Variants in PRPF8 observed in about 807,000 individuals in gnomAD.
PRPF8 encodes the protein pre-mRNA processing factor 8, also known as pre-mRNA-processing-splicing factor 8.
In PRPF8, 64 loss-of-function variants were observed where a neutral mutation model predicts 285.9. That is an observed-to-expected ratio of 0.22 (90% CI 0.18 to 0.28). The LOEUF (loss-of-function observed/expected upper bound fraction) is 0.28, where lower values mean the gene tolerates loss of function less well. Among genes scored for constraint, PRPF8 ranks in the 10% least tolerant of loss-of-function variants. The pLI is 1.00. For synonymous variants in PRPF8, 1,325 were observed against 1,118.2 expected (o/e 1.18, Z -3.69); for missense variants, 1,426 against 3,026.7 (o/e 0.47, Z 12.41).
Position 1,676,269 on chromosome 17 carries a change from G to C in PRPF8, c.2490C>G (p.Leu830=). The change falls in exon 17 of 43, where the codon CTC becomes CTG. Residue 830 remains leucine (L), a synonymous_variant. Transcript: ENST00000304992. This position sits in a 1 kb window ranked among gnomAD's most constrained non-coding sequence, Gnocchi z 6.3. ...GCAACTTGGTGTCATGCTTATAGGAGAGTGGGGGGAATGGGATGGGTGAAA... is the reference window on the plus strand; with the variant it reads ...GCAACTTGGTGTCATGCTTATAGGACAGTGGGGGGAATGGGATGGGTGAAA... ...RRFSPIPFPP[L]SYKHDTKLLI... The C allele has an allele frequency of 6.2e-7, 1 of 1,614,094 alleles. No homozygotes were observed. Among genetic ancestry groups the C allele is most frequent in the Non-Finnish European group, 8.5e-7 (1 of 1,180,036 alleles).
Position 1,659,206 on chromosome 17 carries a change from G to C in PRPF8, c.5138+151C>G. 1.2e-6 allele frequency: 1 copy of C among 858,294 alleles called. No homozygotes were observed. Among genetic ancestry groups the C allele is most frequent in the Non-Finnish European group, 1.9e-6 (1 of 531,106 alleles). 53.2% of individuals were successfully genotyped at this position (858,294 alleles called of 1,614,324 possible). ...ACGCCCAGCTAATTTTTTGTATTTTGGTAGAGACAGGGTTTCACCATGTTG... is the reference window on the plus strand; with the variant it reads ...ACGCCCAGCTAATTTTTTGTATTTTCGTAGAGACAGGGTTTCACCATGTTG... On this transcript the variant is annotated intron_variant, in intron 32 of 42. Transcript: ENST00000304992. The surrounding 1 kb of genome is among the most constrained non-coding windows in gnomAD (Gnocchi z 5.1).
chr17:1,665,468 G>T (rs545667518), intron 24 of PRPF8, among the ~76,000 whole-genome samples: 1 of 152,036 alleles, frequency 6.6e-6, no homozygotes, highest in South Asian at 2.1e-4. Context: ...AACCCAGGAG[G>T]CGGAAGTTGC....
intron 24 of PRPF8, among the ~76,000 whole-genome samples, chr17:1,672,222 A>T (rs1597242131): frequency 6.6e-6 from 1 of 152,224 alleles, no homozygotes; most frequent in African/African-American, 2.4e-5. Flanking sequence ...TCGGAATGCA[A>T]GAAAAATGTT....
chr17:1,670,173 C>T (rs1327865782), intron 24 of PRPF8, among the ~76,000 whole-genome samples: 1 of 152,188 alleles, frequency 6.6e-6, no homozygotes. Context: ...AAATATGTAT[C>T]TTGGAACTGA....
Position 1,683,520 on chromosome 17 carries a change from G to A in PRPF8, c.269+13C>T, listed in dbSNP as rs776076997. The A allele has an allele frequency of 2.2e-5, 36 of 1,613,968 alleles. 1 individual carries two copies. In the East Asian group the frequency reaches 8.0e-4, roughly 36 times the overall value. On this transcript the variant is annotated intron_variant, in intron 3 of 42. Coordinates refer to ENST00000304992, the MANE Select transcript of PRPF8 (RefSeq NM_006445.4). ...CCAAATTCCAAATGAAATTATTTCA[G>A]GATGTTCCTTACCCCAAGTAAACCC...
At chr17:1,655,928 T>C (rs1406540027) in intron 36 of PRPF8, among the ~76,000 whole-genome samples, 2 of 139,682 alleles carry the variant, frequency 1.4e-5, no homozygotes. Context: ...CCCGGCCTTT[T>C]TTTTTTTTTT....
intron 24 of PRPF8, among the ~76,000 whole-genome samples, chr17:1,670,118 G>A (rs1912222454): frequency 6.8e-6 from 1 of 147,988 alleles, no homozygotes; most frequent in East Asian, 2.0e-4. Flanking sequence ...CACCACTAAG[G>A]GAGCAGAAGG....
At chr17:1,655,654 TCTTG>T in intron 36 of PRPF8, 111 bp from the exon 37 acceptor site, 1 of 926,478 alleles carries the variant, frequency 1.1e-6, no homozygotes, top group Non-Finnish European at 1.7e-6. Context: ...TGAGACAGAG[TCTTG>T]CTCTGTCGCC....
chr17:1,661,133 T>C lies in PRPF8; in HGVS notation c.4368A>G (p.Thr1456=), dbSNP rs757767729. Residue 1456 remains threonine, a synonymous_variant, in exon 28 of 43, where the codon ACA becomes ACG. Transcript: ENST00000304992. This position sits in a 1 kb window ranked among gnomAD's most constrained non-coding sequence, Gnocchi z 7.3. ...AGAGCTTCCCATCATGCCGCTGGTG[T>C]GTCCACCAGAACGGATTCTGCTTCA... ...QVLKQNPFWW[T]HQRHDGKLWN... is the part of the protein sequence containing the mutation. 4 of 1,614,084 alleles carry C rather than the reference T, an allele frequency of 2.5e-6. No individual in the cohort carries two copies. The South Asian group carries it at 3.3e-5, about 13-fold the overall frequency.
rs189910951 is a variant in PRPF8, at chr17:1,666,713, G to A, written c.3775-4560C>T. On this transcript the variant is annotated intron_variant, in intron 24 of 42. Coordinates refer to ENST00000304992, the MANE Select transcript of PRPF8 (RefSeq NM_006445.4). ...AAATGTCTTCTGAACAATTATTGAG[G>A]TGAAAGAGTGCGTTGGCTGGAGTTA... Among the ~76,000 whole-genome samples, 460 of 152,284 alleles carry A rather than the reference G, an allele frequency of 3.0e-3. 2 individuals carry two copies. The highest frequency in any genetic ancestry group is 0.01 in the African/African-American group (420 of 41,576).
rs867537776 is a variant in PRPF8 at position 1,669,764 on chromosome 17, G to A, written c.3774+3317C>T. On this transcript the variant is annotated intron_variant, in intron 24 of 42. Transcript: ENST00000304992. ...TCAGCATCACCCCAATTCTGGACAC[G>A]TGTTCCTGAAGGCCTTGGTTCCAAG... is the stretch of plus-strand genomic sequence containing the variant. Among the ~76,000 whole-genome samples, 450 of 152,226 alleles carry A rather than the reference G, an allele frequency of 3.0e-3. 3 individuals are homozygous for A. Among genetic ancestry groups the A allele is most frequent in the African/African-American group, 0.01 (428 of 41,522 alleles).
chr17:1,673,640 C>A lies in PRPF8; in HGVS notation c.3447-73G>T. On this transcript the variant is annotated intron_variant, in intron 22 of 42. Transcript: ENST00000304992. This position sits in a 1 kb window ranked among gnomAD's most constrained non-coding sequence, Gnocchi z 5.5. ...CCCTTCAAAGGCCAACTGATGACAT[C>A]CTGACACAGCCACGCCTCTCCCACC... 6.2e-7 allele frequency: 1 copy of A among 1,611,804 alleles called. No individual in the cohort carries two copies. The highest frequency in any genetic ancestry group is 8.5e-7 in the Non-Finnish European group (1 of 1,179,132).
Position 1,651,870 on chromosome 17 carries a change from TCCC to T in PRPF8, c.6370-85_6370-83del. 1.3e-6 allele frequency: 2 copies of T among 1,526,056 alleles called. No homozygotes were observed. Among genetic ancestry groups the T allele is most frequent in the South Asian group, 1.1e-5 (1 of 89,300 alleles). The allele number at this position is 1,526,056 out of a possible 1,614,324, so 94.5% of individuals were successfully genotyped here. A position where few individuals can be genotyped will look rare whatever the true frequency, so the allele number is the denominator to read the frequency against. On this transcript the variant is annotated intron_variant, in intron 39 of 42. Transcript: ENST00000304992. This position sits in a 1 kb window ranked among gnomAD's most constrained non-coding sequence, Gnocchi z 5.1. The stretch of plus-strand genomic sequence containing the variant: ...GCTGCCAGCCCTCTGTTTCCTTCCT[TCCC>T]CCAAGAACGAGGACAGAGTTTCTTA...
In PRPF8 at chr17:1,681,586, T is replaced by C; in HGVS notation, c.758A>G (p.Asn253Ser). The change falls in exon 6 of 43, where the codon AAC becomes AGC. Residue 253 changes from asparagine to serine, a missense_variant. Transcript: ENST00000304992. ...CTTCAAATCAAACAGGTAGAAGTAG[T>C]TGTCATCCACCAAGTCTGTCAGGAG... ...NQLLTDLVDDNYFYLFDLKAF... is the reference protein window; with the variant it reads ...NQLLTDLVDDSYFYLFDLKAF... 2.5e-6 allele frequency: 4 copies of C among 1,613,894 alleles called. No individual in the cohort carries two copies. The highest frequency in any genetic ancestry group is 3.4e-6 in the Non-Finnish European group (4 of 1,179,784).
chr17:1,655,610 T>C (rs1911329572), intron 36 of PRPF8, 67 bp from the exon 37 acceptor site: 1 of 1,417,820 alleles, frequency 7.1e-7, no homozygotes, highest in East Asian at 2.3e-5. Flanking sequence ...AATCCTAACC[T>C]TTCATGAAAC....
intron 24 of PRPF8, among the ~76,000 whole-genome samples, chr17:1,666,845 G>A (rs552012220): frequency 6.6e-6 from 1 of 152,038 alleles, no homozygotes; most frequent in Non-Finnish European, 1.5e-5. Context: ...TGAGCATCTC[G>A]CATGTCCACA....
At chr17:1,677,752 G>C in intron 13 of PRPF8, 58 bp from the exon 14 acceptor site, 1 of 1,609,652 alleles carries the variant, frequency 6.2e-7, no homozygotes, top group African/African-American at 1.3e-5. Flanking sequence ...AACAACAATA[G>C]AAACCTGGGC....
Position 1,681,064 on chromosome 17 carries a change from A to G in PRPF8, c.867-10T>C, listed in dbSNP as rs1270742720. 5.0e-6 allele frequency: 8 copies of G among 1,612,868 alleles called. No individual in the cohort carries two copies. The highest frequency in any genetic ancestry group is 1.3e-5 in the African/African-American group (1 of 74,750). On this transcript the variant is annotated splice_polypyrimidine_tract_variant and intron_variant, in intron 6 of 42. Transcript: ENST00000304992. ...ATTCCAGTCTTCATCCCTAGGGTACAACATCAAGAATAAGCAGACTTTTTT... is the reference window on the plus strand; with the variant it reads ...ATTCCAGTCTTCATCCCTAGGGTACGACATCAAGAATAAGCAGACTTTTTT...
chr17:1,684,345 T>C (rs7223663), intron 2 of PRPF8, 127 bp downstream of exon 2: 654,079 of 956,746 alleles, frequency 0.68, 224,846 homozygotes, highest in Admixed American at 0.79. Flanking sequence ...TGATGAAAAA[T>C]TAACTGGAAA....
Sources: gnomAD v4.1 joint callset for allele counts (sites outside exome capture counted in the v4.1 genomes callset) on GRCh38, gnomAD v4.1.1 for gene constraint, Gnocchi (gnomAD v3.1) non-coding constraint, MANE v1.5 for transcripts, NCBI Gene and HGNC (gene_info 2026-07-23, HGNC 2026-07-21) for gene names.